CLIP4: variants seen among roughly 807,000 people sequenced by gnomAD.
CLIP4 encodes CAP-Gly domain containing linker protein family member 4.
In CLIP4, 47 loss-of-function variants were observed where a neutral mutation model predicts 73.1. The observed-to-expected ratio is 0.64, with a 90% CI of 0.51 to 0.82. The LOEUF (loss-of-function observed/expected upper bound fraction) is 0.82. Among genes scored for constraint, CLIP4 ranks in the 40% least tolerant of loss-of-function variants. The pLI is 0.00. For synonymous variants in CLIP4, 306 were observed against 295.4 expected (o/e 1.04, Z -0.37); for missense variants, 874 against 852.9 (o/e 1.02, Z -0.31).
chr2:29,150,075 C>T (rs1283761606), intron 8 of CLIP4, among the ~76,000 whole-genome samples: 1 of 152,140 alleles, frequency 6.6e-6, no homozygotes, highest in Non-Finnish European at 1.5e-5. Context: ...AATGAAATAG[C>T]TCTTACATAA....
At chr2:29,106,242 A>G (rs1668204078) in intron 1 of CLIP4, among the ~76,000 whole-genome samples, 1 of 152,198 alleles carries the variant, frequency 6.6e-6, no homozygotes, top group Non-Finnish European at 1.5e-5. Context: ...AAGTACTTAG[A>G]ACAATGCACA....
intron 8 of CLIP4, among the ~76,000 whole-genome samples, chr2:29,151,098 C>T (rs769962945): frequency 1.6e-4 from 24 of 152,042 alleles, no homozygotes; most frequent in Non-Finnish European, 2.8e-4. Flanking sequence ...CAACCTTTTC[C>T]TCCTATTTAG....
intron 1 of CLIP4, among the ~76,000 whole-genome samples, chr2:29,118,040 A>G (rs989839667): frequency 2.0e-5 from 3 of 152,238 alleles, no homozygotes; most frequent in Non-Finnish European, 2.9e-5. Context: ...TAAAAGGATC[A>G]TTGGAGTTAT....
At chr2:29,098,782 G>A (rs145986897) in intron 1 of CLIP4, among the ~76,000 whole-genome samples, 1 of 152,330 alleles carries the variant, frequency 6.6e-6, no homozygotes, top group Non-Finnish European at 1.5e-5. Flanking sequence ...TGTAAGAACT[G>A]CCAAGTGATG....
chr2:29,151,423 G>T (rs954123018), intron 8 of CLIP4, among the ~76,000 whole-genome samples: 1 of 152,162 alleles, frequency 6.6e-6, no homozygotes, highest in African/African-American at 2.4e-5. Context: ...GAGAGAGAGA[G>T]AGAGTGTGTG....
chr2:29,135,168 C>T (rs1665261399), intron 5 of CLIP4, among the ~76,000 whole-genome samples: 1 of 152,060 alleles, frequency 6.6e-6, no homozygotes, highest in South Asian at 2.1e-4. Context: ...GGTTGCTGAC[C>T]CCTGAGCTAA....
chr2:29,098,414 T>C (rs759085809), intron 1 of CLIP4, among the ~76,000 whole-genome samples: 20 of 152,202 alleles, frequency 1.3e-4, no homozygotes, highest in Non-Finnish European at 2.6e-4. Flanking sequence ...TCCTTCCCGC[T>C]CTCTTTCCCA....
At position 29,132,220 on chromosome 2, in the gene CLIP4, C is replaced by G. The variant is rs1340607426; in HGVS notation, c.342C>G (p.Thr114=). ...GLTDMTLLHY[T]CKSGAHGIGD... Reference sequence around the variant, plus strand: ...CAGATATGACTCTTTTACATTATACCTGCAAATCTGGAGCTCATGGTATTG... The same window carrying G: ...CAGATATGACTCTTTTACATTATACGTGCAAATCTGGAGCTCATGGTATTG... The change falls in exon 4 of 16, where the codon ACC becomes ACG. Residue 114 remains threonine (T), a synonymous_variant. Coordinates refer to ENST00000320081, the MANE Select transcript of CLIP4 (RefSeq NM_024692.6). 6.2e-7 allele frequency: 1 copy of G among 1,613,324 alleles called. No homozygotes were observed. The highest frequency in any genetic ancestry group is 8.5e-7 in the Non-Finnish European group (1 of 1,179,474).
intron 8 of CLIP4, among the ~76,000 whole-genome samples, chr2:29,151,634 C>G (rs1558555369): frequency 6.6e-6 from 1 of 152,108 alleles, no homozygotes. Flanking sequence ...TAGTTATTAA[C>G]AAAGCACTCA....
In CLIP4 at chr2:29,127,968, A is replaced by G. The variant is rs114061245; in HGVS notation, c.134-3290A>G. ...GATAAAATTATACCAGAACATATCC[A>G]ATTTCTAGGAATTTCATACAATTTC... On this transcript the variant is annotated intron_variant, in intron 2 of 15. Coordinates refer to ENST00000320081, the MANE Select transcript of CLIP4 (RefSeq NM_024692.6). Among the ~76,000 whole-genome samples the G allele has an allele frequency of 3.5e-3, 538 of 152,256 alleles. 3 individuals carry two copies. The highest frequency in any genetic ancestry group is 0.013 in the African/African-American group (526 of 41,560).
chr2:29,139,050 T>C (rs1327740736), intron 6 of CLIP4, among the ~76,000 whole-genome samples: 2 of 152,146 alleles, frequency 1.3e-5, no homozygotes, highest in South Asian at 2.1e-4. Flanking sequence ...TGAATAGGCG[T>C]AGTGACAGTG....
intron 15 of CLIP4, 53 bp downstream of exon 15, chr2:29,174,498 T>G: frequency 6.3e-7 from 1 of 1,583,608 alleles, no homozygotes; most frequent in South Asian, 1.2e-5. Flanking sequence ...CATGATGGGA[T>G]TCTGTGAAGA....
chr2:29,156,638 T>C (rs1276196692), intron 10 of CLIP4, among the ~76,000 whole-genome samples, 195 bp downstream of exon 10: 1 of 152,218 alleles, frequency 6.6e-6, no homozygotes, highest in African/African-American at 2.4e-5. Context: ...TGTAAAGTAC[T>C]GCATTATGAT....
At position 29,133,574 on chromosome 2, in the gene CLIP4, T is replaced by G. The variant is rs907299694; in HGVS notation, c.368-81T>G. 3 of 1,401,606 alleles carry G rather than the reference T, an allele frequency of 2.1e-6. No individual in the cohort carries two copies. In the African/African-American group the frequency reaches 4.3e-5, roughly 20 times the overall value. 86.8% of individuals were successfully genotyped at this position (1,401,606 alleles called of 1,614,324 possible). ...ATACAGTGCACTGTTTGCTTTGGCTTTTTAAATGAGGCAATTGGTAGCCAT... is the reference window on the plus strand; with the variant it reads ...ATACAGTGCACTGTTTGCTTTGGCTGTTTAAATGAGGCAATTGGTAGCCAT... On this transcript the variant is annotated intron_variant, in intron 4 of 15. Transcript: ENST00000320081.
intron 1 of CLIP4, among the ~76,000 whole-genome samples, chr2:29,101,286 T>TC (rs372203318): frequency 0.029 from 2,894 of 99,022 alleles, 97 homozygotes; most frequent in East Asian, 0.097. Flanking sequence ...TTTTTTTTTT[T>TC]CCCCCCCCCA....
chr2:29,122,218 G>C (rs1488093189), intron 2 of CLIP4, among the ~76,000 whole-genome samples: 1 of 146,876 alleles, frequency 6.8e-6, no homozygotes, highest in Non-Finnish European at 1.5e-5. Flanking sequence ...TTGTAGTATA[G>C]TAATTCCTCA....
rs187244594 is a variant in CLIP4 at position 29,123,136 on chromosome 2, A to T, written c.133+1615A>T. ...CAAATTCCTTTATAGGATAGCCTTTAAGTATCTGCAGATAGTTTGAACATT... is the reference window on the plus strand; with the variant it reads ...CAAATTCCTTTATAGGATAGCCTTTTAGTATCTGCAGATAGTTTGAACATT... On this transcript the variant is annotated intron_variant, in intron 2 of 15. Transcript: ENST00000320081. Among the ~76,000 whole-genome samples the T allele has an allele frequency of 3.9e-5, 6 of 152,324 alleles. No individual in the cohort carries two copies. In the East Asian group the frequency reaches 1.2e-3, roughly 29 times the overall value.
At chr2:29,173,489 G>T (rs3112923) in intron 14 of CLIP4, among the ~76,000 whole-genome samples, 20,742 of 152,230 alleles carry the variant, frequency 0.14, 1,836 homozygotes, top group Middle Eastern at 0.23. Flanking sequence ...AGCCAGTAAG[G>T]TGAAAGCCCA....
intron 6 of CLIP4, among the ~76,000 whole-genome samples, chr2:29,139,516 C>T (rs1339398418): frequency 6.6e-6 from 1 of 152,038 alleles, no homozygotes; most frequent in Non-Finnish European, 1.5e-5. Flanking sequence ...AGGGAGAAAT[C>T]CCTCCTCCTT....
Sources: gnomAD v4.1 joint callset for allele counts (sites outside exome capture counted in the v4.1 genomes callset) on GRCh38, gnomAD v4.1.1 for gene constraint, MANE v1.5 for transcripts, NCBI Gene and HGNC (gene_info 2026-07-23, HGNC 2026-07-21) for gene names.